Variants in CADM2 observed in about 807,000 individuals in gnomAD.
CADM2 encodes the protein cell adhesion molecule 2.
CADM2 carries 12 observed loss-of-function variants against 49.8 expected under a neutral mutation model. The ratio of observed to expected loss-of-function variants is 0.24; its 90% CI spans 0.15 to 0.39. The LOEUF (loss-of-function observed/expected upper bound fraction) is 0.39, where lower values mean the gene tolerates loss of function less well. Among genes scored for constraint, CADM2 ranks in the 10% least tolerant of loss-of-function variants. The probability of loss-of-function intolerance (pLI) is 1.00; values close to 1 mark genes in which losing one functional copy is unlikely to be tolerated. For missense variants in CADM2, 378 were observed against 492.3 expected (o/e 0.77, Z 2.20); for synonymous variants, 214 against 175.4 (o/e 1.22, Z -1.74).
At chr3:85,673,492 T>TAA (rs573804511) in intron 1 of CADM2, among the ~76,000 whole-genome samples, 6,767 of 141,128 alleles carry the variant, frequency 0.048, 451 homozygotes, top group African/African-American at 0.15. Flanking sequence ...AGAGTGCTAT[T>TAA]AAAAAAAAAA....
At chr3:85,928,596 A>C (rs1238537771) in intron 6 of CADM2, among the ~76,000 whole-genome samples, 1 of 152,236 alleles carries the variant, frequency 6.6e-6, no homozygotes, top group African/African-American at 2.4e-5. Context: ...TTCCACATTT[A>C]AACATTTTAT....
chr3:85,485,306 C>A (rs1409508550), intron 1 of CADM2, among the ~76,000 whole-genome samples: 1 of 151,762 alleles, frequency 6.6e-6, no homozygotes, highest in Non-Finnish European at 1.5e-5. Flanking sequence ...GGTTTACTAT[C>A]AAGAAAAGAT....
intron 8 of CADM2, among the ~76,000 whole-genome samples, chr3:85,996,940 C>T (rs1729506545): frequency 6.6e-6 from 1 of 152,150 alleles, no homozygotes. Context: ...TCCTACCAGT[C>T]TAGTAACTTT....
intron 1 of CADM2, among the ~76,000 whole-genome samples, chr3:84,976,402 TTAAA>T (rs2031818448): frequency 6.7e-6 from 1 of 149,312 alleles, no homozygotes; most frequent in Non-Finnish European, 1.5e-5. Flanking sequence ...ATGTCATACT[TTAAA>T]TAAATTAAAT....
intron 1 of CADM2, among the ~76,000 whole-genome samples, chr3:85,212,870 CT>C (rs1223449569): frequency 1.6e-5 from 2 of 124,112 alleles, no homozygotes; most frequent in African/African-American, 3.7e-5. Flanking sequence ...TTCTTTCTTT[CT>C]TTCTTTCTTT....
chr3:85,090,338 A>G (rs756381955), intron 1 of CADM2, among the ~76,000 whole-genome samples: 8 of 152,282 alleles, frequency 5.3e-5, no homozygotes, highest in Non-Finnish European at 1.2e-4. Context: ...ATCTAATATT[A>G]TGATTGCAGA....
At chr3:85,622,906 G>T (rs1365417038) in intron 1 of CADM2, among the ~76,000 whole-genome samples, 1 of 152,012 alleles carries the variant, frequency 6.6e-6, no homozygotes, top group Non-Finnish European at 1.5e-5. Flanking sequence ...AAATGGGATG[G>T]GCTTTAGGCT....
At chr3:85,886,817 C>CT (rs1267192307) in intron 5 of CADM2, among the ~76,000 whole-genome samples, 2 of 152,042 alleles carry the variant, frequency 1.3e-5, no homozygotes, top group South Asian at 2.1e-4. Context: ...GTGTACTTGT[C>CT]TAAGTAAAAG....
intron 1 of CADM2, among the ~76,000 whole-genome samples, chr3:85,216,870 C>CA (rs2041940274): frequency 6.6e-6 from 1 of 151,912 alleles, no homozygotes; most frequent in African/African-American, 2.4e-5. Flanking sequence ...AATAAAATGG[C>CA]ACATAAAATA....
At chr3:85,559,247 C>A (rs545650748) in intron 1 of CADM2, among the ~76,000 whole-genome samples, 2 of 151,872 alleles carry the variant, frequency 1.3e-5, no homozygotes, top group Non-Finnish European at 2.9e-5. Context: ...TTATCCAAAT[C>A]CTAACTAGTA....
chr3:85,041,259 G>A (rs1006357387), intron 1 of CADM2, among the ~76,000 whole-genome samples: 1 of 152,146 alleles, frequency 6.6e-6, no homozygotes, highest in Admixed American at 6.5e-5. Flanking sequence ...TCATCTTTTT[G>A]CTTCCTCTTT....
At chr3:85,653,390 A>G (rs1226744201) in intron 1 of CADM2, among the ~76,000 whole-genome samples, 1 of 149,508 alleles carries the variant, frequency 6.7e-6, no homozygotes, top group East Asian at 2.0e-4. Context: ...GAACACTTCT[A>G]GGTATATTTC....
chr3:85,131,369 A>G (rs1490547678), intron 1 of CADM2, among the ~76,000 whole-genome samples: 4 of 152,136 alleles, frequency 2.6e-5, no homozygotes, highest in Admixed American at 6.6e-5. Context: ...TAAGACCTCA[A>G]TGTCCAAAGA....
chr3:85,568,533 TCTTTTC>T lies in CADM2; in HGVS notation c.62-157988_62-157983del, dbSNP rs2062381240. Among the ~76,000 whole-genome samples, 3 of 144,668 alleles carry T rather than the reference TCTTTTC, an allele frequency of 2.1e-5. 1 individual carries two copies. The highest frequency in any genetic ancestry group is 4.6e-5 in the Non-Finnish European group (3 of 65,718). The allele number at this position is 144,668 out of a possible 152,430, so 94.9% of individuals were successfully genotyped here. A position where few individuals can be genotyped will look rare whatever the true frequency, so the allele number is the denominator to read the frequency against. ...TTTCTTTCCTCCCTCCCTCCCTCTCTCTTTTCTTTCTTTCTTTCTCTTTCTTTCTTT... is the reference window on the plus strand; with the variant it reads ...TTTCTTTCCTCCCTCCCTCCCTCTCTTTTCTTTCTTTCTCTTTCTTTCTTT... On this transcript the variant is annotated intron_variant, in intron 1 of 9. Coordinates refer to ENST00000383699, the MANE Select transcript of CADM2 (RefSeq NM_001167675.2).
chr3:85,335,980 G>A (rs1156242538), intron 1 of CADM2, among the ~76,000 whole-genome samples: 2 of 151,454 alleles, frequency 1.3e-5, no homozygotes, highest in East Asian at 1.9e-4. Flanking sequence ...GAGTAAGGTC[G>A]ATATGCACTC....
intron 1 of CADM2, among the ~76,000 whole-genome samples, chr3:85,166,233 C>T (rs1036559842): frequency 1.3e-4 from 20 of 151,666 alleles, no homozygotes; most frequent in Admixed American, 2.6e-4. Context: ...TTTAAACATC[C>T]GTCATCCGCA....
chr3:86,044,727 T>G (rs1321086204), intron 8 of CADM2, among the ~76,000 whole-genome samples: 2 of 152,174 alleles, frequency 1.3e-5, no homozygotes, highest in East Asian at 3.8e-4. Context: ...ACCCAAAGGA[T>G]TATAAAACAT....
At chr3:85,534,131 T>A (rs1478334499) in intron 1 of CADM2, among the ~76,000 whole-genome samples, 4 of 151,348 alleles carry the variant, frequency 2.6e-5, no homozygotes, top group African/African-American at 9.8e-5. Context: ...AAAATAATAA[T>A]TTTTTTTTAA....
At chr3:85,328,152 T>C (rs923333946) in intron 1 of CADM2, among the ~76,000 whole-genome samples, 6 of 152,214 alleles carry the variant, frequency 3.9e-5, no homozygotes, top group Non-Finnish European at 8.8e-5. Context: ...TTGTCTCTTG[T>C]GATTTGTTAA....
Sources: allele counts gnomAD v4.1 joint callset (sites outside exome capture counted in the v4.1 genomes callset), GRCh38; gene constraint gnomAD v4.1.1; transcripts MANE v1.5; gene names NCBI Gene and HGNC (gene_info 2026-07-23, HGNC 2026-07-21).